HECW1: variants seen among roughly 807,000 people sequenced by gnomAD.
The protein encoded by HECW1 is E3 ubiquitin-protein ligase HECW1.
Under a neutral mutation model 182.3 loss-of-function variants are expected in HECW1, and 61 were observed. The observed-to-expected ratio is 0.33, with a 90% confidence interval of 0.27 to 0.41. The LOEUF (loss-of-function observed/expected upper bound fraction) is 0.41, where lower values mean the gene tolerates loss of function less well. Ranked by LOEUF, HECW1 falls within the 10% of genes least tolerant of loss-of-function variation. The pLI is 1.00. For missense variants in HECW1, 1,739 were observed against 2,108.9 expected (o/e 0.82, Z 3.44); for synonymous variants, 859 against 832.6 (o/e 1.03, Z -0.55).
chr7:43,407,085 A>G (rs2075635602), intron 7 of HECW1, among the ~76,000 whole-genome samples: 1 of 152,170 alleles, frequency 6.6e-6, no homozygotes, highest in African/African-American at 2.4e-5. Flanking sequence ...ATTAAACAGA[A>G]CAGCTCGATT....
rs191603508 is a variant in HECW1 at position 43,445,242 on chromosome 7, G to C, written c.2070G>C (p.Thr690=). The change falls in exon 11 of 30, where the codon ACG becomes ACC. Residue 690 remains threonine, a synonymous_variant. Transcript: ENST00000395891. ...PSCYSSSCYS[T]SCYSSSCYSA... is the part of the protein sequence containing the mutation. ...GCTACAGCTCCTCGTGCTACAGCAC[G>C]TCCTGCTACAGCAGCTCGTGCTACA... is the stretch of plus-strand genomic sequence containing the variant. 4 of 1,613,132 alleles carry C rather than the reference G, an allele frequency of 2.5e-6. No individual in the cohort carries two copies. The highest frequency in any genetic ancestry group is 1.7e-5 in the Admixed American group (1 of 60,012).
At chr7:43,114,865 C>G (rs1784917745) in intron 2 of HECW1, among the ~76,000 whole-genome samples, 1 of 152,160 alleles carries the variant, frequency 6.6e-6, no homozygotes, top group South Asian at 2.1e-4. Context: ...GGGACTGCAG[C>G]TCTGTTATTT....
chr7:43,491,459 G>T (rs1054642599), intron 17 of HECW1, among the ~76,000 whole-genome samples: 3 of 152,134 alleles, frequency 2.0e-5, no homozygotes, highest in Non-Finnish European at 4.4e-5. Context: ...TGGTACTAAA[G>T]TTCAATGCTA....
chr7:43,361,038 T>C lies in HECW1; in HGVS notation c.555+58T>C, dbSNP rs889283471. ...TAACTCTGGTCTTTCTTCACTTTCC[T>C]ATTTTGTTCTTGTGCGTGCGTGTGT... On this transcript the variant is annotated intron_variant, in intron 6 of 29. Coordinates refer to ENST00000395891, the MANE Select transcript of HECW1 (RefSeq NM_015052.5). 7 of 1,241,402 alleles carry C rather than the reference T, an allele frequency of 5.6e-6. No individual in the cohort carries two copies. In the Admixed American group the frequency reaches 1.2e-4, roughly 20 times the overall value. The allele number at this position is 1,241,402 out of a possible 1,614,324, so 76.9% of individuals were successfully genotyped here. A position where few individuals can be genotyped will look rare whatever the true frequency, so the allele number is the denominator to read the frequency against.
At chr7:43,466,640 T>C in intron 15 of HECW1, 72 bp downstream of exon 15, 1 of 1,520,222 alleles carries the variant, frequency 6.6e-7, no homozygotes, top group South Asian at 1.2e-5. Context: ...TAAAGTCATC[T>C]GATAGATCTA....
intron 26 of HECW1, among the ~76,000 whole-genome samples, chr7:43,549,849 A>T (rs1241964855): frequency 6.6e-6 from 1 of 152,192 alleles, no homozygotes; most frequent in Non-Finnish European, 1.5e-5. Context: ...GGGGGCATCA[A>T]GTATGTGATT....
intron 16 of HECW1, among the ~76,000 whole-genome samples, chr7:43,470,362 T>C (rs943329829): frequency 3.3e-5 from 5 of 152,228 alleles, no homozygotes; most frequent in African/African-American, 1.2e-4. Flanking sequence ...ATGTTCATCA[T>C]GCAAACAGCA....
At chr7:43,299,076 T>C (rs1806401511) in intron 3 of HECW1, among the ~76,000 whole-genome samples, 1 of 152,254 alleles carries the variant, frequency 6.6e-6, no homozygotes, top group African/African-American at 2.4e-5. Context: ...GTGAGTGCCC[T>C]TGAATCTATT....
chr7:43,311,100 G>A, intron 3 of HECW1, among the ~76,000 whole-genome samples: 1 of 152,176 alleles, frequency 6.6e-6, no homozygotes, highest in East Asian at 1.9e-4. Context: ...CAGGTACAAT[G>A]TTTTCTACAA....
chr7:43,300,127 C>G (rs1019760171), intron 3 of HECW1, among the ~76,000 whole-genome samples: 2 of 152,236 alleles, frequency 1.3e-5, no homozygotes, highest in East Asian at 1.9e-4. Flanking sequence ...GTTAATTCTC[C>G]TCCTTATCCT....
chr7:43,315,435 T>C (rs1809092493), intron 4 of HECW1, among the ~76,000 whole-genome samples: 2 of 150,774 alleles, frequency 1.3e-5, no homozygotes, highest in Admixed American at 6.6e-5. Flanking sequence ...ACAAGTAGAT[T>C]CTCCCCATAT....
At chr7:43,168,244 A>G (rs145025046) in intron 2 of HECW1, among the ~76,000 whole-genome samples, 1 of 152,292 alleles carries the variant, frequency 6.6e-6, no homozygotes, top group Non-Finnish European at 1.5e-5. Flanking sequence ...TCAGACCACA[A>G]TTATATGTTC....
At chr7:43,337,456 G>A (rs1812442842) in intron 5 of HECW1, among the ~76,000 whole-genome samples, 1 of 152,072 alleles carries the variant, frequency 6.6e-6, no homozygotes, top group African/African-American at 2.4e-5. Context: ...ATATATTTGA[G>A]AGCCCCAAGG....
At chr7:43,338,106 C>T (rs1347929076) in intron 5 of HECW1, among the ~76,000 whole-genome samples, 1 of 152,204 alleles carries the variant, frequency 6.6e-6, no homozygotes, top group East Asian at 1.9e-4. Flanking sequence ...CAGAGACCTA[C>T]TCCAGTGATC....
At chr7:43,421,033 C>T (rs1201081691) in intron 8 of HECW1, among the ~76,000 whole-genome samples, 4 of 152,064 alleles carry the variant, frequency 2.6e-5, no homozygotes, top group South Asian at 2.1e-4. Context: ...TTTATACTGC[C>T]GGATGTCCAG....
At chr7:43,371,037 G>A (rs547648777) in intron 6 of HECW1, among the ~76,000 whole-genome samples, 4 of 151,960 alleles carry the variant, frequency 2.6e-5, no homozygotes, top group South Asian at 2.1e-4. Context: ...ACAGGTGCCC[G>A]CCACCACGTC....
intron 8 of HECW1, among the ~76,000 whole-genome samples, chr7:43,434,417 A>T (rs2076646959): frequency 6.6e-6 from 1 of 152,160 alleles, no homozygotes; most frequent in Non-Finnish European, 1.5e-5. Flanking sequence ...AGGTTTGGAG[A>T]GGTTGTGAAT....
chr7:43,204,289 CAAAAT>C (rs1562670874), intron 2 of HECW1, among the ~76,000 whole-genome samples: 1 of 152,082 alleles, frequency 6.6e-6, no homozygotes, highest in Non-Finnish European at 1.5e-5. Context: ...GTTGAATAAA[CAAAAT>C]AAACCCATGG....
chr7:43,207,745 T>C (rs923736049), intron 2 of HECW1: 1 of 152,250 alleles, frequency 6.6e-6, no homozygotes, highest in Non-Finnish European at 1.5e-5. Context: ...TTTCTATTCC[T>C]GGCTTATTGT....
Sources: gnomAD v4.1 joint callset for allele counts (sites outside exome capture counted in the v4.1 genomes callset) on GRCh38, gnomAD v4.1.1 for gene constraint, MANE v1.5 for transcripts, NCBI Gene and HGNC (gene_info 2026-07-23, HGNC 2026-07-21) for gene names.